Variants in FYB1 observed in about 807,000 individuals in gnomAD.
FYB1 encodes the protein FYN binding protein 1.
FYB1 carries 41 observed loss-of-function variants against 94.1 expected under a neutral mutation model. The observed-to-expected ratio is 0.44, with a 90% CI of 0.34 to 0.57. The LOEUF is 0.57. Among genes scored for constraint, FYB1 ranks in the 20% least tolerant of loss-of-function variants. The pLI is 0.02. For synonymous variants in FYB1, 367 were observed against 353.2 expected (o/e 1.04, Z -0.44); for missense variants, 1,050 against 976.8 (o/e 1.07, Z -1.00).
intron 11 of FYB1, 25 bp downstream of exon 11, chr5:39,127,716 A>G: frequency 6.4e-7 from 1 of 1,573,220 alleles, no homozygotes; most frequent in African/African-American, 1.4e-5. Context: ...TAATTTGCAA[A>G]AAGCAGTTCA....
At chr5:39,150,655 CA>C (rs1354445299) in intron 3 of FYB1, among the ~76,000 whole-genome samples, 1 of 152,178 alleles carries the variant, frequency 6.6e-6, no homozygotes, top group African/African-American at 2.4e-5. Flanking sequence ...GGGCCAAAAA[CA>C]CTGGAACCAC....
intron 2 of FYB1, among the ~76,000 whole-genome samples, chr5:39,165,137 A>T (rs1744602850): frequency 6.6e-6 from 1 of 152,218 alleles, no homozygotes; most frequent in Non-Finnish European, 1.5e-5. Context: ...TACAAAAAAT[A>T]ATCATAAAAT....
chr5:39,185,053 C>A (rs572916888), intron 2 of FYB1, among the ~76,000 whole-genome samples: 43 of 152,130 alleles, frequency 2.8e-4, no homozygotes, highest in Admixed American at 4.6e-4. Context: ...ATGTTATTAG[C>A]GTTTATACTT....
At chr5:39,125,514 A>T (rs1469156276) in intron 12 of FYB1, among the ~76,000 whole-genome samples, 1 of 152,188 alleles carries the variant, frequency 6.6e-6, no homozygotes, top group Non-Finnish European at 1.5e-5. Flanking sequence ...GTACTTAGAG[A>T]AAAAAATTCA....
chr5:39,260,402 A>C (rs1298598975), intron 1 of FYB1, among the ~76,000 whole-genome samples: 4 of 152,198 alleles, frequency 2.6e-5, no homozygotes. Context: ...GGGCCTGCAA[A>C]GCCTAAAACA....
At chr5:39,134,441 A>C (rs904443653) in intron 8 of FYB1, 92 bp from the exon 9 acceptor site, 1 of 1,104,872 alleles carries the variant, frequency 9.1e-7, no homozygotes, top group Non-Finnish European at 1.3e-6. Context: ...TTGCTCTTTA[A>C]ACTTTCCCCT....
chr5:39,150,521 C>T (rs989794637), intron 3 of FYB1, among the ~76,000 whole-genome samples: 3 of 152,172 alleles, frequency 2.0e-5, no homozygotes, highest in Non-Finnish European at 4.4e-5. Context: ...CAATTTTAGA[C>T]GTGCAAATAG....
At chr5:39,215,266 G>A (rs1048513737) in intron 1 of FYB1, among the ~76,000 whole-genome samples, 1 of 152,004 alleles carries the variant, frequency 6.6e-6, no homozygotes, top group African/African-American at 2.4e-5. Context: ...TAAATTAAAT[G>A]TAACAGTGGA....
At chr5:39,116,845 A>C (rs2150272216) in intron 16 of FYB1, among the ~76,000 whole-genome samples, 1 of 16,802 alleles carries the variant, frequency 6.0e-5, no homozygotes, top group East Asian at 1.2e-3. Context: ...AAAATAAGCA[A>C]AAAAAAAAAG....
chr5:39,251,564 A>C (rs1370267534), intron 1 of FYB1, among the ~76,000 whole-genome samples: 1 of 152,202 alleles, frequency 6.6e-6, no homozygotes, highest in Non-Finnish European at 1.5e-5. Flanking sequence ...ATCTCTAAAG[A>C]GCAAAGTGTG....
intron 2 of FYB1, chr5:39,170,217 G>T: frequency 2.3e-6 from 2 of 866,894 alleles, no homozygotes; most frequent in Non-Finnish European, 3.8e-6. Context: ...CAGTATTTTT[G>T]CTATATATGA....
intron 2 of FYB1, among the ~76,000 whole-genome samples, chr5:39,190,935 G>A (rs1747302063): frequency 1.3e-5 from 2 of 152,100 alleles, no homozygotes; most frequent in African/African-American, 2.4e-5. Context: ...GAGCACATGA[G>A]GCAACCTCAA....
Position 39,134,759 on chromosome 5 carries a change from TA to T in FYB1, c.1675+95del, listed in dbSNP as rs577608760. 2.4e-4 allele frequency: 320 copies of T among 1,321,816 alleles called. 7 individuals carry two copies. The South Asian group carries it at 4.0e-3, about 16-fold the overall frequency. 81.9% of individuals were successfully genotyped at this position (1,321,816 alleles called of 1,614,324 possible). Reference sequence around the variant, plus strand: ...CTTTGTCCACTCTGTAAAGTACTCCTAACTCGATGCCTATGACGAGTTCTGG... The same window carrying T: ...CTTTGTCCACTCTGTAAAGTACTCCTACTCGATGCCTATGACGAGTTCTGG... On this transcript the variant is annotated intron_variant, in intron 8 of 18. Transcript: ENST00000512982.
At chr5:39,135,113 C>T in intron 7 of FYB1, 99 bp from the exon 8 acceptor site, 1 of 1,272,758 alleles carries the variant, frequency 7.9e-7, no homozygotes, top group Non-Finnish European at 1.1e-6. Flanking sequence ...ACTTGCTAAG[C>T]TACCTATAAC....
chr5:39,181,690 G>A lies in FYB1; in HGVS notation c.1135+20136C>T, dbSNP rs115589447. 3.9e-3 allele frequency among the ~76,000 whole-genome samples: 591 copies of A among 152,224 alleles called. 8 individuals carry two copies. Among genetic ancestry groups the A allele is most frequent in the South Asian group, 6.6e-3 (32 of 4,820 alleles). The stretch of plus-strand genomic sequence containing the variant: ...TCACTCTCTCAAAACCTGTGACCCT[G>A]TAATTGTTTAAACTAGAATCTTAGG... On this transcript the variant is annotated intron_variant, in intron 2 of 18. Transcript: ENST00000512982.
At chr5:39,219,231 A>G (rs73072528) in intron 1 of FYB1, among the ~76,000 whole-genome samples, 1,980 of 152,200 alleles carry the variant, frequency 0.013, 37 homozygotes, top group African/African-American at 0.043. Context: ...TCCCGGCCAC[A>G]TTTTTATCTG....
intron 1 of FYB1, among the ~76,000 whole-genome samples, chr5:39,233,046 A>T (rs1050915012): frequency 6.6e-6 from 1 of 152,118 alleles, no homozygotes; most frequent in African/African-American, 2.4e-5. Flanking sequence ...ATGTGTCTTT[A>T]TAGCAGCATG....
At chr5:39,117,623 C>T (rs1232388533) in intron 16 of FYB1, among the ~76,000 whole-genome samples, 1 of 152,116 alleles carries the variant, frequency 6.6e-6, no homozygotes, top group Non-Finnish European at 1.5e-5. Flanking sequence ...AACTTTACAT[C>T]CATTTCCTCC....
intron 1 of FYB1, among the ~76,000 whole-genome samples, chr5:39,253,480 T>C (rs1319898721): frequency 6.6e-6 from 1 of 152,052 alleles, no homozygotes; most frequent in Non-Finnish European, 1.5e-5. Flanking sequence ...TTAAAAAAAA[T>C]ATTTTAGGTT....
Sources: allele counts gnomAD v4.1 joint callset (sites outside exome capture counted in the v4.1 genomes callset), GRCh38; gene constraint gnomAD v4.1.1; transcripts MANE v1.5; gene names NCBI Gene and HGNC (gene_info 2026-07-23, HGNC 2026-07-21).